The following ADAMTS14 variants were observed in gnomAD, a reference collection of about 807,000 sequenced individuals.
ADAMTS14 encodes A disintegrin and metalloproteinase with thrombospondin motifs 14.
A neutral mutation model predicts 128.6 loss-of-function variants in ADAMTS14; 100 were observed. The ratio of observed to expected loss-of-function variants is 0.78; its 90% CI spans 0.66 to 0.92. ADAMTS14 has a LOEUF of 0.92. Among genes scored for constraint, ADAMTS14 ranks in the 40% least tolerant of loss-of-function variants. ADAMTS14 has a pLI of 0.00. For missense variants in ADAMTS14, 1,562 were observed against 1,658.6 expected (o/e 0.94, Z 1.01); for synonymous variants, 665 against 653.8 (o/e 1.02, Z -0.26).
At chr10:70,760,103 CGCT>C (rs34709499) in intron 21 of ADAMTS14, among the ~76,000 whole-genome samples, 146,486 of 152,042 alleles carry the variant, frequency 0.96, 70,690 homozygotes, top group East Asian at 1. Flanking sequence ...TTCCAGGTGA[CGCT>C]GCTGCTGCTG....
At chr10:70,699,302 T>C (rs992387775) in intron 2 of ADAMTS14, among the ~76,000 whole-genome samples, 9 of 152,148 alleles carry the variant, frequency 5.9e-5, no homozygotes, top group African/African-American at 2.2e-4. Context: ...GCCTACCTTA[T>C]AGGGCTATAA....
intron 6 of ADAMTS14, 94 bp downstream of exon 6, chr10:70,730,343 G>A (rs1841596284): frequency 2.0e-6 from 3 of 1,483,898 alleles, no homozygotes; most frequent in Non-Finnish European, 2.7e-6. Flanking sequence ...CTCTTCTGGG[G>A]CCCACCACAT....
chr10:70,694,972 C>T (rs374156762), intron 2 of ADAMTS14, among the ~76,000 whole-genome samples: 4 of 152,238 alleles, frequency 2.6e-5, no homozygotes, highest in African/African-American at 7.2e-5. Context: ...AAAGTGGCTG[C>T]GCTGTTTTAC....
chr10:70,760,878 A>G lies in ADAMTS14; in HGVS notation c.*25A>G. ...AGCTGTGCCCTGCCATCCCACTGGCACGTTTACACTCTGTGTACTGCCCCG... is the reference window on the plus strand; with the variant it reads ...AGCTGTGCCCTGCCATCCCACTGGCGCGTTTACACTCTGTGTACTGCCCCG... On this transcript the variant is annotated 3_prime_UTR_variant, in exon 22 of 22. Coordinates refer to ENST00000373207, the MANE Select transcript of ADAMTS14 (RefSeq NM_080722.4). 6.5e-7 allele frequency: 1 copy of G among 1,544,212 alleles called. No individual in the cohort carries two copies. The highest frequency in any genetic ancestry group is 8.7e-7 in the Non-Finnish European group (1 of 1,143,462).
At chr10:70,696,099 G>A (rs981694282) in intron 2 of ADAMTS14, among the ~76,000 whole-genome samples, 2 of 152,204 alleles carry the variant, frequency 1.3e-5, no homozygotes, top group African/African-American at 4.8e-5. Context: ...GGGATGGGAG[G>A]TAGAGAGTTT....
At chr10:70,677,401 C>T (rs1471933320) in intron 2 of ADAMTS14, among the ~76,000 whole-genome samples, 3 of 152,112 alleles carry the variant, frequency 2.0e-5, no homozygotes, top group African/African-American at 4.8e-5. Context: ...TTACTCTTCT[C>T]ATTTGTCCAA....
At chr10:70,747,551 C>T (rs1220799848) in intron 15 of ADAMTS14, among the ~76,000 whole-genome samples, 2 of 152,194 alleles carry the variant, frequency 1.3e-5, no homozygotes, top group African/African-American at 4.8e-5. Context: ...ACTGCATCCC[C>T]AGGGGATGAT....
In ADAMTS14 at chr10:70,674,844, A is replaced by C; in HGVS notation, c.371A>C (p.Asn124Thr). 1 of 1,613,926 alleles carries C rather than the reference A, an allele frequency of 6.2e-7. No homozygotes were observed. Among genetic ancestry groups the C allele is most frequent in the Non-Finnish European group, 8.5e-7 (1 of 1,180,044 alleles). The change falls in exon 2 of 22, where the codon AAT becomes ACT. Residue 124 changes from asparagine (N) to threonine (T), a missense_variant. Coordinates refer to ENST00000373207, the MANE Select transcript of ADAMTS14 (RefSeq NM_080722.4). ...GKELHLRLRP[N>T]RRLVVPGSSV... ...GAACTGCACTTGCGCCTGCGGCCCA[A>C]TCGGAGGTTGGTAGTGCCAGGATCC...
At chr10:70,714,919 C>T (rs1840983800) in intron 4 of ADAMTS14, among the ~76,000 whole-genome samples, 1 of 139,586 alleles carries the variant, frequency 7.2e-6, no homozygotes, top group South Asian at 2.3e-4. Context: ...GCACTCCAGC[C>T]TGGGCCACAG....
intron 16 of ADAMTS14, among the ~76,000 whole-genome samples, chr10:70,751,262 C>T (rs1842339713): frequency 6.6e-6 from 1 of 152,118 alleles, no homozygotes; most frequent in African/African-American, 2.4e-5. Flanking sequence ...TGCCCTTGGG[C>T]CTGGCACACA....
chr10:70,691,925 T>C (rs1840203914), intron 2 of ADAMTS14, among the ~76,000 whole-genome samples: 1 of 152,214 alleles, frequency 6.6e-6, no homozygotes, highest in African/African-American at 2.4e-5. Flanking sequence ...TTGCTCTCTT[T>C]ATGAAACATG....
At chr10:70,673,973 G>A (rs1443132139) in intron 1 of ADAMTS14, among the ~76,000 whole-genome samples, 2 of 152,136 alleles carry the variant, frequency 1.3e-5, no homozygotes, top group Non-Finnish European at 1.5e-5. Flanking sequence ...AGATCTCAGC[G>A]GCCACTGTCC....
intron 2 of ADAMTS14, among the ~76,000 whole-genome samples, chr10:70,691,863 CCT>C (rs146829951): frequency 0.021 from 3,228 of 152,292 alleles, 131 homozygotes; most frequent in African/African-American, 0.073. Flanking sequence ...ATGCTCGTTT[CCT>C]CTCTTACTTG....
Position 70,749,866 on chromosome 10 carries a change from G to T in ADAMTS14, c.2308G>T (p.Gly770Cys). The change falls in exon 16 of 22, where the codon GGC becomes TGC. Residue 770 changes from glycine (G) to cysteine (C), a missense_variant. By Grantham distance (159) the Gly-to-Cys change is radical. Transcript: ENST00000373207. ...VTGSFILNPKGKEATSRTFTA... is the reference protein window; with the variant it reads ...VTGSFILNPKCKEATSRTFTA... ...CGGCAGCTTCATCCTCAACCCCAAG[G>T]GCAAGGAAGCCACAAGCCGGACCTT... The T allele has an allele frequency of 6.2e-7, 1 of 1,614,064 alleles. No individual in the cohort carries two copies. The highest frequency in any genetic ancestry group is 1.1e-5 in the South Asian group (1 of 91,076).
chr10:70,709,742 C>T (rs547238584), intron 4 of ADAMTS14, among the ~76,000 whole-genome samples: 6 of 152,268 alleles, frequency 3.9e-5, no homozygotes, highest in South Asian at 2.1e-4. Context: ...CCTCGTGATC[C>T]GCCCGCCTCA....
intron 2 of ADAMTS14, among the ~76,000 whole-genome samples, chr10:70,683,958 C>G (rs1176381534): frequency 6.6e-6 from 1 of 152,122 alleles, no homozygotes; most frequent in African/African-American, 2.4e-5. Context: ...CATTCTTGCA[C>G]TGCTATAAAA....
intron 2 of ADAMTS14, among the ~76,000 whole-genome samples, chr10:70,698,574 C>G (rs1840401553): frequency 1.3e-5 from 2 of 152,340 alleles, no homozygotes; most frequent in Middle Eastern, 3.4e-3. Flanking sequence ...CTCTGCGGCC[C>G]AGGCAGAGCC....
chr10:70,743,312 C>T (rs191516528), intron 12 of ADAMTS14, among the ~76,000 whole-genome samples: 1,750 of 152,202 alleles, frequency 0.011, 26 homozygotes, highest in African/African-American at 0.039. Context: ...TGGCATTTTA[C>T]TGATTAGGGA....
At chr10:70,711,178 C>T (rs959613958) in intron 4 of ADAMTS14, among the ~76,000 whole-genome samples, 12 of 152,206 alleles carry the variant, frequency 7.9e-5, no homozygotes, top group Non-Finnish European at 1.5e-4. Flanking sequence ...TTTTCAGGTT[C>T]GCTTCTCTGT....
Sources: gnomAD v4.1 joint callset for allele counts (sites outside exome capture counted in the v4.1 genomes callset) on GRCh38, gnomAD v4.1.1 for gene constraint, MANE v1.5 for transcripts, NCBI Gene and HGNC (gene_info 2026-07-23, HGNC 2026-07-21) for gene names.